The following ABTB3 variants were observed in gnomAD, a reference collection of about 807,000 sequenced individuals.
The protein encoded by ABTB3 is ankyrin repeat- and BTB/POZ domain-containing protein 3.
the ABTB3 span, among the ~76,000 whole-genome samples, chr12:107,501,188 T>C: frequency 6.6e-6 from 1 of 152,214 alleles, no homozygotes; most frequent in Non-Finnish European, 1.5e-5. Flanking sequence ...GCTTGGCTCA[T>C]AGTAAATGCC....
chr12:107,438,243 G>A, the ABTB3 span, among the ~76,000 whole-genome samples: 3 of 152,240 alleles, frequency 2.0e-5, 1 homozygote, highest in South Asian at 6.2e-4. Context: ...TGAGTGGGGA[G>A]GGGGTTTCAC....
the ABTB3 span, among the ~76,000 whole-genome samples, chr12:107,370,969 C>T: frequency 6.6e-6 from 1 of 151,988 alleles, no homozygotes; most frequent in Non-Finnish European, 1.5e-5. Flanking sequence ...CGGCAGCCCT[C>T]AGAGGGCGTT....
the ABTB3 span, among the ~76,000 whole-genome samples, chr12:107,361,284 G>T: frequency 2.0e-5 from 3 of 151,872 alleles, no homozygotes; most frequent in Non-Finnish European, 4.4e-5. Flanking sequence ...ATGCATTTAC[G>T]TTTTTTCCTT....
the ABTB3 span, among the ~76,000 whole-genome samples, chr12:107,322,434 G>A: frequency 3.9e-5 from 6 of 152,268 alleles, no homozygotes; most frequent in East Asian, 1.9e-4. Context: ...AATTCCTTAG[G>A]TATTGGAATC....
At chr12:107,634,647 C>T in the ABTB3 span, among the ~76,000 whole-genome samples, 1 of 152,122 alleles carries the variant, frequency 6.6e-6, no homozygotes, top group South Asian at 2.1e-4. Context: ...AAGAGGTCAA[C>T]GTGAACGATG....
the ABTB3 span, among the ~76,000 whole-genome samples, chr12:107,462,026 C>T: frequency 6.6e-6 from 1 of 152,156 alleles, no homozygotes; most frequent in East Asian, 1.9e-4. Flanking sequence ...AACGTCTGAG[C>T]CCTTCCTGAT....
At chr12:107,333,422 G>A in the ABTB3 span, among the ~76,000 whole-genome samples, 14 of 152,178 alleles carry the variant, frequency 9.2e-5, no homozygotes, top group East Asian at 7.7e-4. Flanking sequence ...AGGTTTCATC[G>A]TTGTGGTCAG....
the ABTB3 span, among the ~76,000 whole-genome samples, chr12:107,378,824 T>C: frequency 6.6e-6 from 1 of 152,236 alleles, no homozygotes; most frequent in Non-Finnish European, 1.5e-5. Flanking sequence ...TTTGGCTGCA[T>C]GCCATGCCCT....
chr12:107,434,263 GC>G, the ABTB3 span, among the ~76,000 whole-genome samples: 1 of 152,186 alleles, frequency 6.6e-6, no homozygotes, highest in Non-Finnish European at 1.5e-5. Context: ...GTTGGGAGCT[GC>G]CCCTAGCAGG....
At chr12:107,425,326 A>T in the ABTB3 span, among the ~76,000 whole-genome samples, 1 of 152,228 alleles carries the variant, frequency 6.6e-6, no homozygotes, top group Non-Finnish European at 1.5e-5. Flanking sequence ...AAAGGAATGA[A>T]GTCCTGATAC....
the ABTB3 span, among the ~76,000 whole-genome samples, chr12:107,372,732 G>T: frequency 1.3e-5 from 2 of 152,148 alleles, no homozygotes; most frequent in Admixed American, 1.3e-4. Flanking sequence ...CAAATGTCCC[G>T]TATGTCCCTG....
chr12:107,532,525 A>G, the ABTB3 span, among the ~76,000 whole-genome samples: 1 of 152,228 alleles, frequency 6.6e-6, no homozygotes, highest in Non-Finnish European at 1.5e-5. Flanking sequence ...CTATAGATAC[A>G]TCTACAGCAA....
the ABTB3 span, among the ~76,000 whole-genome samples, chr12:107,626,762 G>C: frequency 6.6e-6 from 1 of 151,950 alleles, no homozygotes; most frequent in Non-Finnish European, 1.5e-5. Context: ...ATAATAAATG[G>C]GATCCATAAA....
the ABTB3 span, among the ~76,000 whole-genome samples, chr12:107,496,492 C>T: frequency 1.1e-4 from 16 of 152,166 alleles, no homozygotes; most frequent in African/African-American, 3.6e-4. Context: ...TTTTGGTGTC[C>T]GGGATGGTAG....
the ABTB3 span, among the ~76,000 whole-genome samples, chr12:107,496,788 GT>G: frequency 6.6e-6 from 1 of 152,164 alleles, no homozygotes; most frequent in Non-Finnish European, 1.5e-5. Flanking sequence ...GCACGGAGAG[GT>G]TCATTAATTT....
At chr12:107,452,766 G>A in the ABTB3 span, among the ~76,000 whole-genome samples, 7 of 152,076 alleles carry the variant, frequency 4.6e-5, no homozygotes, top group Middle Eastern at 3.2e-3. Context: ...ATTCGAACCC[G>A]GGAGGTGGAG....
chr12:107,649,292 G>A, the ABTB3 span: 5 of 1,607,600 alleles, frequency 3.1e-6, 1 homozygote, highest in Non-Finnish European at 3.4e-6. Flanking sequence ...ATCCATTGTG[G>A]TGTTGGCTAT....
chr12:107,342,280 A>G, the ABTB3 span, among the ~76,000 whole-genome samples: 11 of 152,078 alleles, frequency 7.2e-5, no homozygotes, highest in African/African-American at 2.2e-4. Context: ...TGGAAGGGGC[A>G]TGGATACTGA....
the ABTB3 span, among the ~76,000 whole-genome samples, chr12:107,573,508 G>T: frequency 2.6e-5 from 4 of 151,838 alleles, no homozygotes; most frequent in African/African-American, 9.7e-5. Flanking sequence ...ATGGATGGAT[G>T]GATAGATGGA....
Sources: gnomAD v4.1 joint callset for allele counts (sites outside exome capture counted in the v4.1 genomes callset) on GRCh38, gnomAD v4.1.1 for gene constraint, MANE v1.5 for transcripts, NCBI Gene and HGNC (gene_info 2026-07-23, HGNC 2026-07-21) for gene names.